DIXDC1: variants seen among roughly 807,000 people sequenced by gnomAD.
DIXDC1 encodes the protein dixin.
DIXDC1 carries 64 observed loss-of-function variants against 103.1 expected under a neutral mutation model. The observed-to-expected ratio is 0.62, with a 90% CI of 0.51 to 0.76. DIXDC1 has a LOEUF of 0.76. Among genes scored for constraint, DIXDC1 ranks in the 30% least tolerant of loss-of-function variants. The pLI, the probability that DIXDC1 is intolerant of heterozygous loss-of-function variation, is 0.00. For missense variants in DIXDC1, 759 were observed against 834.2 expected, an observed-to-expected ratio of 0.91 and a Z score of 1.11; for synonymous variants, 266 against 298.5, an observed-to-expected ratio of 0.89 and a Z score of 1.12.
intron 10 of DIXDC1, among the ~76,000 whole-genome samples, chr11:111,990,089 CT>C (rs150547427): frequency 0.1 from 13,392 of 132,154 alleles, 716 homozygotes; most frequent in Middle Eastern, 0.16. Flanking sequence ...CGCGCCCGGC[CT>C]TTTTTTTTTT....
intron 3 of DIXDC1, 106 bp downstream of exon 3, chr11:111,968,744 T>C: frequency 8.3e-7 from 1 of 1,199,236 alleles, no homozygotes; most frequent in Non-Finnish European, 1.1e-6. Context: ...AAAGTCTCCA[T>C]TCATTTTATT....
chr11:112,009,718 A>T (rs1861354452), intron 17 of DIXDC1, among the ~76,000 whole-genome samples: 1 of 152,272 alleles, frequency 6.6e-6, no homozygotes, highest in Non-Finnish European at 1.5e-5. Context: ...CCACATGATT[A>T]TCTCAATAGA....
At position 111,964,650 on chromosome 11, in the gene DIXDC1, GA is replaced by G; in HGVS notation, c.163del (p.Ile55SerfsTer14). On this transcript the variant is annotated frameshift_variant, in exon 2 of 20. Transcript: ENST00000440460. LOFTEE classifies it high-confidence loss of function. ...DLRQDLRDGV[I>X]LAYLIEIVAG... ...TGCGACAAGATCTCCGGGATGGGGTGATCCTGGCATATCTCATCGAGATTGT... is the reference window on the plus strand; with the variant it reads ...TGCGACAAGATCTCCGGGATGGGGTGTCCTGGCATATCTCATCGAGATTGT... 1 of 1,611,962 alleles carries G rather than the reference GA, an allele frequency of 6.2e-7. No homozygotes were observed. The highest frequency in any genetic ancestry group is 8.5e-7 in the Non-Finnish European group (1 of 1,179,158).
chr11:111,982,222 A>G (rs781873991), intron 6 of DIXDC1, 117 bp from the exon 7 acceptor site: 31 of 1,151,272 alleles, frequency 2.7e-5, no homozygotes, highest in African/African-American at 2.5e-4. Context: ...AGTCTGTGCT[A>G]TGAGAACAGG....
chr11:111,939,027 C>G (rs1230154489), intron 1 of DIXDC1, among the ~76,000 whole-genome samples: 1 of 152,258 alleles, frequency 6.6e-6, no homozygotes, highest in Non-Finnish European at 1.5e-5. Flanking sequence ...TCTTTTCTCA[C>G]TCTCTGCCTT....
intron 17 of DIXDC1, among the ~76,000 whole-genome samples, chr11:112,000,011 C>T (rs1036172489): frequency 8.5e-5 from 13 of 152,082 alleles, no homozygotes; most frequent in African/African-American, 3.1e-4. Context: ...TGGCAGGAGT[C>T]TGTAATCCCA....
At position 111,950,438 on chromosome 11, in the gene DIXDC1, A is replaced by ATT. The variant is rs59473485; in HGVS notation, c.60+12912_60+12913dup. On this transcript the variant is annotated intron_variant, in intron 1 of 19. Coordinates refer to ENST00000440460, the MANE Select transcript of DIXDC1 (RefSeq NM_001037954.4). The stretch of plus-strand genomic sequence containing the variant: ...TATATATATATATATATATATATAT[A>ATT]TTTTTTTTTTTTTTTTTTTTTTTTT... Among the ~76,000 whole-genome samples the ATT allele has an allele frequency of 4.6e-4, 7 of 15,166 alleles. 1 individual carries two copies. Among genetic ancestry groups the ATT allele is most frequent in the Non-Finnish European group, 7.9e-4 (7 of 8,860 alleles). 9.9% of individuals were successfully genotyped at this position (15,166 alleles called of 152,430 possible).
rs372698010 is a variant in DIXDC1, at chr11:112,010,452, C to T, written c.1757-6239C>T. Among the ~76,000 whole-genome samples the T allele has an allele frequency of 2.0e-5, 3 of 152,334 alleles. No homozygotes were observed. The South Asian group carries it at 6.2e-4, about 32-fold the overall frequency. On this transcript the variant is annotated intron_variant, in intron 17 of 19. Transcript: ENST00000440460. ...TTCTTCACAGAATTGGAAAAAACTACTTTAAAGTTCATATGGAACCAAAAA... is the reference window on the plus strand; with the variant it reads ...TTCTTCACAGAATTGGAAAAAACTATTTTAAAGTTCATATGGAACCAAAAA...
intron 17 of DIXDC1, among the ~76,000 whole-genome samples, chr11:112,001,613 G>A (rs999677495): frequency 1.3e-5 from 2 of 152,126 alleles, no homozygotes; most frequent in Admixed American, 6.6e-5. Context: ...CCATCAGAGA[G>A]ATGAAATCAT....
At chr11:111,975,766 A>G (rs1555172545) in intron 5 of DIXDC1, 1 of 985,182 alleles carries the variant, frequency 1.0e-6, no homozygotes, top group Non-Finnish European at 1.2e-6. Flanking sequence ...CTTGTCTTGT[A>G]TGTATGTTAT....
chr11:111,962,956 G>A (rs1437725626), intron 1 of DIXDC1, among the ~76,000 whole-genome samples: 1 of 152,170 alleles, frequency 6.6e-6, no homozygotes, highest in Admixed American at 6.6e-5. Flanking sequence ...TGGCCCACGT[G>A]AGGCAGAAGG....
intron 7 of DIXDC1, among the ~76,000 whole-genome samples, chr11:111,983,499 T>C (rs1302242785): frequency 6.6e-6 from 1 of 152,244 alleles, no homozygotes; most frequent in African/African-American, 2.4e-5. Flanking sequence ...GGCTGGCTTA[T>C]GAGGCCTTTT....
At chr11:111,937,599 C>A in intron 1 of DIXDC1, 40 bp downstream of exon 1, 1 of 1,550,400 alleles carries the variant, frequency 6.4e-7, no homozygotes. Flanking sequence ...CTCCCCTCCC[C>A]CAGCGTCTCC....
chr11:111,999,806 G>A (rs1050721392), intron 17 of DIXDC1, among the ~76,000 whole-genome samples: 3 of 151,584 alleles, frequency 2.0e-5, no homozygotes, highest in African/African-American at 7.3e-5. Context: ...CAGAAGTTGC[G>A]GTGAGCTGCT....
intron 1 of DIXDC1, among the ~76,000 whole-genome samples, chr11:111,948,454 G>C (rs1307586064): frequency 3.9e-5 from 6 of 152,028 alleles, no homozygotes; most frequent in Non-Finnish European, 7.4e-5. Context: ...TTGCCCTGGT[G>C]GTCACTGCCT....
At chr11:111,970,101 A>T (rs1005543680) in intron 3 of DIXDC1, among the ~76,000 whole-genome samples, 1 of 152,118 alleles carries the variant, frequency 6.6e-6, no homozygotes, top group South Asian at 2.1e-4. Flanking sequence ...TGTCACCCAG[A>T]CTGGAGTTCA....
intron 7 of DIXDC1, among the ~76,000 whole-genome samples, chr11:111,982,981 G>A (rs1365301977): frequency 6.6e-6 from 1 of 152,202 alleles, no homozygotes; most frequent in Admixed American, 6.5e-5. Context: ...TAATGGTCAG[G>A]TAGAAGAGGT....
At chr11:111,984,672 T>C (rs1860431395) in intron 7 of DIXDC1, among the ~76,000 whole-genome samples, 1 of 152,230 alleles carries the variant, frequency 6.6e-6, no homozygotes, top group Admixed American at 6.5e-5. Flanking sequence ...TATATTCTAA[T>C]GAAAACCACC....
At chr11:111,973,487 GGC>G (rs1414412273) in intron 3 of DIXDC1, among the ~76,000 whole-genome samples, 5 of 152,090 alleles carry the variant, frequency 3.3e-5, no homozygotes, top group African/African-American at 1.2e-4. Context: ...GCATTTTGGG[GGC>G]ATGTGTGTAT....
Sources: allele counts gnomAD v4.1 joint callset (sites outside exome capture counted in the v4.1 genomes callset), GRCh38; gene constraint gnomAD v4.1.1; transcripts MANE v1.5; gene names NCBI Gene and HGNC (gene_info 2026-07-23, HGNC 2026-07-21).